The following NUDT4 variants were observed in gnomAD, a reference collection of about 807,000 sequenced individuals.
The protein encoded by NUDT4 is nudix hydrolase 4.
NUDT4 carries 5 observed loss-of-function variants against 23.1 expected under a neutral mutation model. That is an observed-to-expected ratio of 0.22 (90% confidence interval 0.11 to 0.46). The LOEUF (loss-of-function observed/expected upper bound fraction) is 0.46, where lower values mean the gene tolerates loss of function less well. Among genes scored for constraint, NUDT4 ranks in the 20% least tolerant of loss-of-function variants. NUDT4 has a pLI of 0.99. For synonymous variants in NUDT4, 50 were observed against 79.0 expected (o/e 0.63, Z 1.95); for missense variants, 96 against 211.6 (o/e 0.45, Z 3.39).
intron 1 of NUDT4, among the ~76,000 whole-genome samples, chr12:93,388,183 G>A (rs766841710): frequency 6.6e-6 from 1 of 152,164 alleles, no homozygotes; most frequent in Non-Finnish European, 1.5e-5. Context: ...AAGATAATTT[G>A]AAGTTATTGG....
At chr12:93,386,679 A>C (rs760921114) in intron 1 of NUDT4, among the ~76,000 whole-genome samples, 2 of 152,196 alleles carry the variant, frequency 1.3e-5, no homozygotes, top group Non-Finnish European at 2.9e-5. Flanking sequence ...ACTAGTAAAA[A>C]CACGGACTGC....
At chr12:93,393,843 T>C (rs1405283738) in intron 1 of NUDT4, among the ~76,000 whole-genome samples, 1 of 152,232 alleles carries the variant, frequency 6.6e-6, no homozygotes, top group Non-Finnish European at 1.5e-5. Context: ...TTTCCCTATT[T>C]CTTTCTCACA....
chr12:93,383,320 C>G (rs1182170052), intron 1 of NUDT4, among the ~76,000 whole-genome samples: 1 of 152,136 alleles, frequency 6.6e-6, no homozygotes, highest in African/African-American at 2.4e-5. Context: ...TACTAATTTT[C>G]TTAATAGTAG....
rs1198067100 is a variant in NUDT4 at position 93,403,851 on chromosome 12, T to G, written c.*4472T>G. 2 of 152,318 alleles carry G rather than the reference T, an allele frequency of 1.3e-5. No individual in the cohort carries two copies. The highest frequency in any genetic ancestry group is 4.1e-4 in the South Asian group (2 of 4,826). 9.4% of individuals were successfully genotyped at this position (152,318 alleles called of 1,614,324 possible). ...CACTGGCTAAATTCTAGCAGTACGA[T>G]GAGAGGGCCATTAAGGCCTATCTTA... On this transcript the variant is annotated 3_prime_UTR_variant, in exon 5 of 5. Transcript: ENST00000415493.
chr12:93,386,936 TTTA>T (rs999859393), intron 1 of NUDT4, among the ~76,000 whole-genome samples: 6 of 151,590 alleles, frequency 4.0e-5, no homozygotes, highest in Non-Finnish European at 8.9e-5. Flanking sequence ...CTGATTTTTT[TTTA>T]TTATTATTAT....
intron 1 of NUDT4, among the ~76,000 whole-genome samples, chr12:93,393,820 G>A (rs1002596342): frequency 3.3e-5 from 5 of 152,124 alleles, no homozygotes; most frequent in Admixed American, 2.0e-4. Context: ...ATCAAGAATC[G>A]TCTTTATGTG....
chr12:93,394,224 G>A (rs900443109), intron 1 of NUDT4, among the ~76,000 whole-genome samples: 2 of 152,072 alleles, frequency 1.3e-5, no homozygotes, highest in Non-Finnish European at 1.5e-5. Flanking sequence ...GGATGATCTC[G>A]ATCTCCTGAC....
chr12:93,380,931 GTT>G (rs1186084999), intron 1 of NUDT4: 1 of 152,142 alleles, frequency 6.6e-6, no homozygotes, highest in Non-Finnish European at 1.5e-5. Context: ...AGGATGAAAT[GTT>G]TATATAGAGT....
In NUDT4 at chr12:93,404,521, A is replaced by G. The variant is rs1002115517; in HGVS notation, c.*5142A>G. 11 of 152,290 alleles carry G rather than the reference A, an allele frequency of 7.2e-5. No homozygotes were observed. The highest frequency in any genetic ancestry group is 5.8e-4 in the East Asian group (3 of 5,180). The allele number at this position is 152,290 out of a possible 1,614,324, so 9.4% of individuals were successfully genotyped here. On this transcript the variant is annotated 3_prime_UTR_variant, in exon 5 of 5. Transcript: ENST00000415493. Reference sequence around the variant, plus strand: ...AGTTGCACAACCAAGCTATGGTCAAATATGTGTGTTGTAGGATTTATGAAA... The same window carrying G: ...AGTTGCACAACCAAGCTATGGTCAAGTATGTGTGTTGTAGGATTTATGAAA...
rs751741473 is a variant in NUDT4 at position 93,404,290 on chromosome 12, TCAG to T, written c.*4917_*4919del. ...GTGAAAAGCCATTAAAATAAAATGC[TCAG>T]CAGCAAAGGATTTGTAATGGTTAAC... On this transcript the variant is annotated 3_prime_UTR_variant, in exon 5 of 5. Transcript: ENST00000415493. The T allele has an allele frequency of 2.0e-5, 3 of 152,214 alleles. No individual in the cohort carries two copies. Among genetic ancestry groups the T allele is most frequent in the Non-Finnish European group, 4.4e-5 (3 of 68,042 alleles). The allele number at this position is 152,214 out of a possible 1,614,324, so 9.4% of individuals were successfully genotyped here. A position where few individuals can be genotyped will look rare whatever the true frequency, so the allele number is the denominator to read the frequency against.
intron 1 of NUDT4, among the ~76,000 whole-genome samples, chr12:93,391,195 A>G (rs1876471287): frequency 1.3e-5 from 2 of 152,124 alleles, no homozygotes; most frequent in Non-Finnish European, 2.9e-5. Flanking sequence ...TGGGAGGCCA[A>G]GGTGAGAAGA....
rs1291545383 is a variant in NUDT4, at chr12:93,402,862, C to T, written c.*3483C>T. 1 of 151,798 alleles carries T rather than the reference C, an allele frequency of 6.6e-6. No homozygotes were observed. Among genetic ancestry groups the T allele is most frequent in the African/African-American group, 2.4e-5 (1 of 41,328 alleles). 9.4% of individuals were successfully genotyped at this position (151,798 alleles called of 1,614,324 possible). ...AGTCACCGCCCCACCCGCCGCATTA[C>T]ATTTCCTAAAACATACTGCTGCCAA... On this transcript the variant is annotated 3_prime_UTR_variant, in exon 5 of 5. Transcript: ENST00000415493.
chr12:93,384,180 C>G (rs962540649), intron 1 of NUDT4, among the ~76,000 whole-genome samples: 1 of 151,556 alleles, frequency 6.6e-6, no homozygotes, highest in Admixed American at 6.6e-5. Flanking sequence ...CAGGGGTGCC[C>G]AAGCTTTTTT....
chr12:93,384,754 G>C (rs1263285395), intron 1 of NUDT4, among the ~76,000 whole-genome samples: 1 of 151,866 alleles, frequency 6.6e-6, no homozygotes, highest in East Asian at 1.9e-4. Context: ...GTTGACTACT[G>C]TCAATACACT....
At chr12:93,378,892 A>T (rs1395961367) in intron 1 of NUDT4, 1 of 598,754 alleles carries the variant, frequency 1.7e-6, no homozygotes, top group Non-Finnish European at 2.1e-6. Context: ...TTGTGGAGTA[A>T]CAGACAGTCC....
intron 1 of NUDT4, among the ~76,000 whole-genome samples, chr12:93,391,419 G>C (rs1565780024): frequency 1.3e-5 from 2 of 152,030 alleles, no homozygotes; most frequent in East Asian, 3.9e-4. Flanking sequence ...ACAAAAATTA[G>C]CTGGTCTTGG....
intron 1 of NUDT4, among the ~76,000 whole-genome samples, chr12:93,382,922 A>G (rs1472799139): frequency 6.6e-6 from 1 of 152,008 alleles, no homozygotes; most frequent in Non-Finnish European, 1.5e-5. Flanking sequence ...CAGCCTCCCA[A>G]AGTGCTGGGA....
At chr12:93,378,669 G>C in intron 1 of NUDT4, 1 of 1,178,150 alleles carries the variant, frequency 8.5e-7, no homozygotes. Context: ...GAAGGCGCCT[G>C]GTCCCCGGGA....
rs1877685484 is a variant in NUDT4, at chr12:93,404,410, G to A, written c.*5031G>A. ...GGAAACTGATACAGCCTGTCGGAGA[G>A]CTACTGAGTAGTATTTTATCACAGC... On this transcript the variant is annotated 3_prime_UTR_variant, in exon 5 of 5. Coordinates refer to ENST00000415493, the MANE Select transcript of NUDT4 (RefSeq NM_019094.6). 1 of 152,236 alleles carries A rather than the reference G, an allele frequency of 6.6e-6. No homozygotes were observed. Among genetic ancestry groups the A allele is most frequent in the South Asian group, 2.1e-4 (1 of 4,838 alleles). The allele number at this position is 152,236 out of a possible 1,614,324, so 9.4% of individuals were successfully genotyped here. A position where few individuals can be genotyped will look rare whatever the true frequency, so the allele number is the denominator to read the frequency against.
Sources: gnomAD v4.1 joint callset for allele counts (sites outside exome capture counted in the v4.1 genomes callset) on GRCh38, gnomAD v4.1.1 for gene constraint, MANE v1.5 for transcripts, NCBI Gene and HGNC (gene_info 2026-07-23, HGNC 2026-07-21) for gene names.